Variants in PTPRD observed in about 807,000 individuals in gnomAD.
The protein encoded by PTPRD is receptor-type tyrosine-protein phosphatase delta.
Under a neutral mutation model 214.5 loss-of-function variants are expected in PTPRD, and 34 were observed. The ratio of observed to expected loss-of-function variants is 0.16; its 90% confidence interval spans 0.12 to 0.21. PTPRD has a LOEUF of 0.21. Among genes scored for constraint, PTPRD ranks in the 10% least tolerant of loss-of-function variants. The pLI, the probability that PTPRD is intolerant of heterozygous loss-of-function variation, is 1.00. For missense variants in PTPRD, 2,545 were observed against 2,398.7 expected, an observed-to-expected ratio of 1.06 and a Z score of -1.27; for synonymous variants, 1,128 against 845.7, an observed-to-expected ratio of 1.33 and a Z score of -5.79.
intron 7 of PTPRD, among the ~76,000 whole-genome samples, chr9:9,690,058 AC>A (rs1321517582): frequency 1.3e-5 from 2 of 151,550 alleles, no homozygotes; most frequent in Non-Finnish European, 3.0e-5. Flanking sequence ...ATATTTGAGG[AC>A]CCTCCATACT....
chr9:10,104,670 C>T (rs577387585), intron 3 of PTPRD, among the ~76,000 whole-genome samples: 12 of 151,852 alleles, frequency 7.9e-5, no homozygotes, highest in South Asian at 6.2e-4. Context: ...ATTAAAACGC[C>T]AGTACTTATA....
Position 10,101,525 on chromosome 9 carries a change from T to G in PTPRD, c.-544-67735A>C, listed in dbSNP as rs2098551779. Among the ~76,000 whole-genome samples the G allele has an allele frequency of 2.0e-5, 3 of 151,514 alleles. No individual in the cohort carries two copies. In the Admixed American group the frequency reaches 2.0e-4, roughly 10 times the overall value. On this transcript the variant is annotated intron_variant, in intron 3 of 45. Transcript: ENST00000381196. ...TGCCACTGGACATGAGGAGCCAACT[T>G]AAAATTTAAAGGTGAGCCCACTAAG...
At chr9:10,555,462 C>G (rs975756854) in intron 2 of PTPRD, among the ~76,000 whole-genome samples, 8 of 152,114 alleles carry the variant, frequency 5.3e-5, no homozygotes, top group Admixed American at 2.6e-4. Flanking sequence ...TGGGGGTATT[C>G]CCTTGCAGTT....
intron 35 of PTPRD, among the ~76,000 whole-genome samples, chr9:8,433,070 C>T (rs1484418379): frequency 2.0e-5 from 3 of 152,196 alleles, no homozygotes; most frequent in African/African-American, 7.2e-5. Context: ...ACTGAGATTG[C>T]TTGAGTGATG....
chr9:10,019,360 T>G (rs372406128), intron 4 of PTPRD, among the ~76,000 whole-genome samples: 1 of 152,124 alleles, frequency 6.6e-6, no homozygotes, highest in African/African-American at 2.4e-5. Flanking sequence ...ATTGTGGAAG[T>G]CAGTGTGGCG....
At chr9:8,386,800 C>T (rs903952104) in intron 37 of PTPRD, among the ~76,000 whole-genome samples, 13 of 152,262 alleles carry the variant, frequency 8.5e-5, no homozygotes, top group Admixed American at 6.5e-4. Context: ...CCTTTCTTCC[C>T]GCTACTTTAG....
chr9:8,488,405 C>A lies in PTPRD; in HGVS notation c.2468-2056G>T, dbSNP rs139147139. ...TAAAGTTTTTAGATAAATAATTATTCAACAACATGTGTGCTGTGTTATACA... is the reference window on the plus strand; with the variant it reads ...TAAAGTTTTTAGATAAATAATTATTAAACAACATGTGTGCTGTGTTATACA... On this transcript the variant is annotated intron_variant, in intron 27 of 45. Transcript: ENST00000381196. Among the ~76,000 whole-genome samples, 618 of 152,144 alleles carry A rather than the reference C, an allele frequency of 4.1e-3. 1 individual carries two copies. Among genetic ancestry groups the A allele is most frequent in the Middle Eastern group, 0.031 (9 of 294 alleles).
chr9:9,623,812 TA>T lies in PTPRD; in HGVS notation c.-286-49032del, dbSNP rs2095327783. On this transcript the variant is annotated intron_variant, in intron 7 of 45. Transcript: ENST00000381196. ...ACTTGTGAAAACAAGTCAGTGGATT[TA>T]AAAATATCACTTTCAAGAAACAGTG... Among the ~76,000 whole-genome samples, 6 of 152,308 alleles carry T rather than the reference TA, an allele frequency of 3.9e-5. No homozygotes were observed. In the South Asian group the frequency reaches 1.2e-3, roughly 32 times the overall value.
intron 4 of PTPRD, among the ~76,000 whole-genome samples, chr9:9,984,883 G>A (rs1011443424): frequency 2.6e-5 from 4 of 152,040 alleles, no homozygotes; most frequent in African/African-American, 9.7e-5. Context: ...TCACACTCCT[G>A]ACCAACCATG....
Position 8,639,821 on chromosome 9 carries a change from G to A in PTPRD, c.65-2977C>T, listed in dbSNP as rs189177780. The stretch of plus-strand genomic sequence containing the variant: ...AACATAGAAATCTTATTTCTAAATG[G>A]AGTGCAGAGAGACAAAATTCCCATA... On this transcript the variant is annotated intron_variant, in intron 12 of 45. Coordinates refer to ENST00000381196, the MANE Select transcript of PTPRD (RefSeq NM_002839.4). Among the ~76,000 whole-genome samples, 233 of 152,308 alleles carry A rather than the reference G, an allele frequency of 1.5e-3. 1 individual carries two copies. The highest frequency in any genetic ancestry group is 0.013 in the Admixed American group (199 of 15,294).
intron 9 of PTPRD, among the ~76,000 whole-genome samples, chr9:9,187,064 A>G (rs2099932088): frequency 6.6e-6 from 1 of 151,980 alleles, no homozygotes; most frequent in African/African-American, 2.4e-5. Flanking sequence ...AATTTATTTT[A>G]CATAATATAT....
At chr9:10,403,950 C>T (rs908552610) in intron 2 of PTPRD, among the ~76,000 whole-genome samples, 3 of 151,602 alleles carry the variant, frequency 2.0e-5, no homozygotes, top group Non-Finnish European at 4.4e-5. Flanking sequence ...TAGTCCAAAT[C>T]CACAGAATGT....
chr9:8,374,118 G>C (rs1453841370), intron 39 of PTPRD, among the ~76,000 whole-genome samples: 3 of 52,344 alleles, frequency 5.7e-5, no homozygotes, highest in Non-Finnish European at 6.0e-5. Flanking sequence ...ACGTGTCTGT[G>C]TGTGTGTGTG....
intron 12 of PTPRD, among the ~76,000 whole-genome samples, chr9:8,717,871 A>G (rs2098453488): frequency 6.6e-6 from 1 of 152,126 alleles, no homozygotes. Context: ...GTAAATTCCA[A>G]TAAGGAACCC....
intron 5 of PTPRD, among the ~76,000 whole-genome samples, chr9:9,797,445 A>G (rs1199659777): frequency 1.3e-5 from 2 of 152,096 alleles, no homozygotes; most frequent in Non-Finnish European, 2.9e-5. Flanking sequence ...AGGTTCTGGA[A>G]AATAAGGAAA....
intron 3 of PTPRD, among the ~76,000 whole-genome samples, chr9:10,110,650 G>C (rs1179176929): frequency 1.3e-5 from 2 of 152,168 alleles, no homozygotes; most frequent in Admixed American, 1.3e-4. Flanking sequence ...GTCAGTTAAA[G>C]GCTATATCTT....
chr9:9,863,930 G>A (rs777124381), intron 5 of PTPRD, among the ~76,000 whole-genome samples: 13 of 151,908 alleles, frequency 8.6e-5, no homozygotes, highest in Non-Finnish European at 1.2e-4. Context: ...GCAGTTATGT[G>A]AGTTATTTTG....
At chr9:9,608,675 T>C (rs1328801749) in intron 7 of PTPRD, among the ~76,000 whole-genome samples, 1 of 152,204 alleles carries the variant, frequency 6.6e-6, no homozygotes, top group Middle Eastern at 3.2e-3. Flanking sequence ...TTTATGTTTT[T>C]TGTCTCTGCA....
At chr9:10,465,612 C>T (rs1271722245) in intron 2 of PTPRD, among the ~76,000 whole-genome samples, 1 of 152,166 alleles carries the variant, frequency 6.6e-6, no homozygotes. Context: ...TGAAAAGCAT[C>T]ACCTTTTCTG....
Sources: gnomAD v4.1 joint callset for allele counts (sites outside exome capture counted in the v4.1 genomes callset) on GRCh38, gnomAD v4.1.1 for gene constraint, MANE v1.5 for transcripts, NCBI Gene and HGNC (gene_info 2026-07-23, HGNC 2026-07-21) for gene names.